MS4A13: variants seen among roughly 807,000 people sequenced by gnomAD.
MS4A13 encodes membrane-spanning 4-domains subfamily A member 13.
In MS4A13, 21 loss-of-function variants were observed where a neutral mutation model predicts 18.4. That is an observed-to-expected ratio of 1.14 (90% CI 0.81 to 1.64). MS4A13 has a LOEUF of 1.64. MS4A13 is among the 40% of genes most tolerant of loss of function. The probability of loss-of-function intolerance (pLI) is 0.00; values close to 1 mark genes in which losing one functional copy is unlikely to be tolerated. For missense variants in MS4A13, 173 were observed against 176.8 expected, an observed-to-expected ratio of 0.98 and a Z score of 0.12; for synonymous variants, 62 against 57.2, an observed-to-expected ratio of 1.08 and a Z score of -0.38.
In MS4A13 at chr11:60,542,563, G is replaced by T; in HGVS notation, c.447G>T (p.Glu149Asp). Residue 149 changes from glutamate (E) to aspartate (D), a missense_variant, in exon 7 of 7, where the codon GAG (glutamate) becomes GAT (aspartate). Glu to Asp is a conservative substitution (Grantham distance 45). Transcript: ENST00000378186. The part of the protein sequence containing the change: ...NDLTSVTEEA[E>D]STP ...TTACATCTGTTACTGAGGAAGCTGA[G>T]AGCACTCCTTAAAAACCCTAGAAAT... 1.2e-6 allele frequency: 2 copies of T among 1,609,948 alleles called. No individual in the cohort carries two copies. The highest frequency in any genetic ancestry group is 1.1e-5 in the South Asian group (1 of 90,386).
chr11:60,525,279 G>A lies in MS4A13; in HGVS notation c.259G>A (p.Glu87Lys). The A allele has an allele frequency of 6.3e-7, 1 of 1,589,904 alleles. No homozygotes were observed. Among genetic ancestry groups the A allele is most frequent in the South Asian group, 1.1e-5 (1 of 89,812 alleles). Reference sequence around the variant, plus strand: ...TACTGCAGTAACTCTAACAATAATAGAGTTGTCTCATTTTAATTCTGTGTC... The same window carrying A: ...TACTGCAGTAACTCTAACAATAATAAAGTTGTCTCATTTTAATTCTGTGTC... ...TITAVTLTII[E>K]LSHFNSVSYR... Residue 87 changes from glutamate (E) to lysine (K), a missense_variant, in exon 5 of 7, where the codon GAG becomes AAG. Glu to Lys is a moderately conservative substitution (Grantham distance 56). Transcript: ENST00000378186.
At chr11:60,540,729 A>T (rs2077468) in intron 6 of MS4A13, among the ~76,000 whole-genome samples, 25,029 of 152,100 alleles carry the variant, frequency 0.16, 2,311 homozygotes, top group East Asian at 0.28. Context: ...GGAAGACCAT[A>T]TGAGCCCAGG....
intron 1 of MS4A13, 103 bp downstream of exon 1, chr11:60,515,710 G>A (rs2086632876): frequency 6.6e-6 from 1 of 152,216 alleles, no homozygotes; most frequent in Non-Finnish European, 1.5e-5. Context: ...GTAAACAGTA[G>A]GCACTATTTA....
intron 5 of MS4A13, among the ~76,000 whole-genome samples, chr11:60,526,659 C>G (rs535721432): frequency 6.6e-6 from 1 of 152,230 alleles, no homozygotes; most frequent in Non-Finnish European, 1.5e-5. Flanking sequence ...TATATACTTA[C>G]ACTTGCTAAG....
intron 6 of MS4A13, among the ~76,000 whole-genome samples, chr11:60,541,635 C>G (rs779750507): frequency 6.6e-6 from 1 of 151,980 alleles, no homozygotes; most frequent in African/African-American, 2.4e-5. Flanking sequence ...ATCTAAAAGT[C>G]AAAATGACCA....
chr11:60,533,897 C>G (rs1206153600), intron 6 of MS4A13, among the ~76,000 whole-genome samples: 1 of 52,442 alleles, frequency 1.9e-5, no homozygotes, highest in Non-Finnish European at 3.4e-5. Context: ...AATTTTCAAC[C>G]CAGAATTTCA....
At chr11:60,540,328 C>A (rs1418540998) in intron 6 of MS4A13, among the ~76,000 whole-genome samples, 1 of 152,112 alleles carries the variant, frequency 6.6e-6, no homozygotes, top group East Asian at 1.9e-4. Flanking sequence ...AGCTTGCCAA[C>A]CCTTCTTCAA....
chr11:60,532,326 G>A (rs916644359), intron 6 of MS4A13, among the ~76,000 whole-genome samples: 3 of 152,174 alleles, frequency 2.0e-5, no homozygotes, highest in East Asian at 1.9e-4. Flanking sequence ...CACCGTGCGC[G>A]AGCCGAAGCA....
At chr11:60,540,902 C>T (rs1176948697) in intron 6 of MS4A13, among the ~76,000 whole-genome samples, 1 of 150,716 alleles carries the variant, frequency 6.6e-6, no homozygotes, top group Non-Finnish European at 1.5e-5. Context: ...CTGCAATGAG[C>T]CATATTCAGG....
intron 4 of MS4A13, 62 bp from the exon 5 acceptor site, chr11:60,525,145 A>G: frequency 7.5e-7 from 1 of 1,328,134 alleles, no homozygotes. Flanking sequence ...TCAGCAATGC[A>G]AACTATTACA....
intron 5 of MS4A13, 125 bp downstream of exon 5, chr11:60,525,451 C>T (rs2086707330): frequency 3.5e-6 from 2 of 573,668 alleles, no homozygotes; most frequent in Non-Finnish European, 5.7e-6. Flanking sequence ...TAGTTGTGAG[C>T]TCTTGATTGA....
intron 6 of MS4A13, among the ~76,000 whole-genome samples, chr11:60,532,262 A>G (rs902732780): frequency 6.6e-6 from 1 of 152,218 alleles, no homozygotes; most frequent in Non-Finnish European, 1.5e-5. Flanking sequence ...CTGAGGTACC[A>G]GGTTCATCTC....
At chr11:60,518,336 G>A in intron 3 of MS4A13, 124 bp downstream of exon 3, 1 of 724,704 alleles carries the variant, frequency 1.4e-6, no homozygotes, top group Non-Finnish European at 2.1e-6. Flanking sequence ...ATCCCATGTT[G>A]ATAATTTATT....
At chr11:60,539,375 G>C (rs988846941) in intron 6 of MS4A13, among the ~76,000 whole-genome samples, 3 of 151,800 alleles carry the variant, frequency 2.0e-5, no homozygotes, top group African/African-American at 7.3e-5. Flanking sequence ...GAACAGAGGT[G>C]AGCTGACAAA....
chr11:60,530,822 G>A (rs978809256), intron 6 of MS4A13, among the ~76,000 whole-genome samples: 4 of 152,198 alleles, frequency 2.6e-5, no homozygotes, highest in Non-Finnish European at 5.9e-5. Flanking sequence ...TCTCATGATA[G>A]TGAGTGAGTT....
intron 6 of MS4A13, among the ~76,000 whole-genome samples, chr11:60,540,580 G>A (rs2086849198): frequency 6.6e-6 from 1 of 152,076 alleles, no homozygotes; most frequent in African/African-American, 2.4e-5. Flanking sequence ...GATTAAGCAA[G>A]CTAAAAATAT....
chr11:60,516,361 G>A (rs2050458184), intron 2 of MS4A13, among the ~76,000 whole-genome samples: 1 of 152,144 alleles, frequency 6.6e-6, no homozygotes, highest in African/African-American at 2.4e-5. Context: ...TTACATTTAT[G>A]CAGTAGGATG....
In MS4A13 at chr11:60,542,653, G is replaced by C; in HGVS notation, c.*78G>C. 3 of 811,418 alleles carry C rather than the reference G, an allele frequency of 3.7e-6. No individual in the cohort carries two copies. The highest frequency in any genetic ancestry group is 5.7e-6 in the Non-Finnish European group (3 of 523,454). The allele number at this position is 811,418 out of a possible 1,614,324, so 50.3% of individuals were successfully genotyped here. ...AATGATATCTCTGTATAACAAAGCA[G>C]TTACGAAGCCTACAGATTTTGTGCA... On this transcript the variant is annotated 3_prime_UTR_variant, in exon 7 of 7. Transcript: ENST00000378186.
chr11:60,542,275 AAGAAAGAAAG>A lies in MS4A13; in HGVS notation c.403-232_403-223del, dbSNP rs546940032. ...AAGAGAAAGAAAGAAAGAAAAAGGA[AAGAAAGAAAG>A]AGAAAGAAAGAAGAAAGGGAGGAAG... On this transcript the variant is annotated intron_variant, in intron 6 of 6. Coordinates refer to ENST00000378186, the MANE Select transcript of MS4A13 (RefSeq NM_001012417.3). Among the ~76,000 whole-genome samples the A allele has an allele frequency of 4.5e-3, 676 of 151,454 alleles. 2 individuals are homozygous for A. The highest frequency in any genetic ancestry group is 6.4e-3 in the Non-Finnish European group (432 of 67,842).
Sources: allele counts gnomAD v4.1 joint callset (sites outside exome capture counted in the v4.1 genomes callset), GRCh38; gene constraint gnomAD v4.1.1; transcripts MANE v1.5; gene names NCBI Gene and HGNC (gene_info 2026-07-23, HGNC 2026-07-21).